RUSC2: variants seen among roughly 807,000 people sequenced by gnomAD.
The protein encoded by RUSC2 is AP-4 complex accessory subunit RUSC2.
RUSC2 carries 34 observed loss-of-function variants against 122.2 expected under a neutral mutation model. The observed-to-expected ratio is 0.28, with a 90% CI of 0.21 to 0.37. The LOEUF is 0.37. Ranked by LOEUF, RUSC2 falls within the 10% of genes least tolerant of loss-of-function variation. The pLI, the probability that RUSC2 is intolerant of heterozygous loss-of-function variation, is 1.00. For missense variants in RUSC2, 1,747 were observed against 1,952.4 expected (o/e 0.89, Z 1.98); for synonymous variants, 784 against 790.0 (o/e 0.99, Z 0.13).
intron 1 of RUSC2, among the ~76,000 whole-genome samples, chr9:35,497,924 G>A (rs994024252): frequency 5.9e-5 from 9 of 152,096 alleles, no homozygotes; most frequent in African/African-American, 2.2e-4. Flanking sequence ...ACTGCCATAG[G>A]AAAATTATAC....
intron 5 of RUSC2, 56 bp downstream of exon 5, chr9:35,556,504 T>C: frequency 1.9e-6 from 3 of 1,587,344 alleles, no homozygotes; most frequent in Non-Finnish European, 2.6e-6. Flanking sequence ...CTCCTCACAC[T>C]TGCCCTACTA....
chr9:35,550,554 A>AT (rs1201257860), intron 2 of RUSC2, among the ~76,000 whole-genome samples: 4 of 150,758 alleles, frequency 2.7e-5, no homozygotes, highest in Non-Finnish European at 5.9e-5. Context: ...TGAACCCAGG[A>AT]GACAGAGGTT....
In RUSC2 at chr9:35,493,437, G is replaced by A. The variant is rs377486438; in HGVS notation, c.-93+3265G>A. 4.0e-4 allele frequency among the ~76,000 whole-genome samples: 61 copies of A among 152,250 alleles called. 3 individuals are homozygous for A. The South Asian group carries it at 0.012, about 31-fold the overall frequency. On this transcript the variant is annotated intron_variant, in intron 1 of 11. Coordinates refer to ENST00000361226, the MANE Select transcript of RUSC2 (RefSeq NM_014806.5). ...CTTTGCTATTGTAAATAGTGCTGCA[G>A]TTGGTTAGCATAATGTCTAAAGTTC... is the stretch of plus-strand genomic sequence containing the variant.
chr9:35,561,068 C>T lies in RUSC2; in HGVS notation c.4320C>T (p.His1440=). 2.5e-6 allele frequency: 4 copies of T among 1,614,142 alleles called. No individual in the cohort carries two copies. The highest frequency in any genetic ancestry group is 3.4e-6 in the Non-Finnish European group (4 of 1,179,988). Residue 1440 remains histidine (H), a synonymous_variant, in exon 11 of 12, where the codon CAC becomes CAT. Transcript: ENST00000361226. ...PEPKESLQEP[H]SPALPSSPPC... ...CCAAGGAGAGCCTGCAGGAGCCACA[C>T]TCCCCAGCCCTGCCCTCCAGTCCTC... is the stretch of plus-strand genomic sequence containing the variant.
In RUSC2 at chr9:35,557,910, G is replaced by T. The variant is rs1822056082; in HGVS notation, c.2984-4G>T. 6.2e-7 allele frequency: 1 copy of T among 1,613,942 alleles called. No individual in the cohort carries two copies. The highest frequency in any genetic ancestry group is 8.5e-7 in the Non-Finnish European group (1 of 1,179,908). ...GACCTGTCACATCACATTCTTCCCT[G>T]CAGGGCTGGTAAAAGCTGTTAACAT... On this transcript the variant is annotated splice_polypyrimidine_tract_variant and splice_region_variant and intron_variant, in intron 5 of 11. Coordinates refer to ENST00000361226, the MANE Select transcript of RUSC2 (RefSeq NM_014806.5). The surrounding 1 kb of genome is among the most constrained non-coding windows in gnomAD (Gnocchi z 4.6).
At chr9:35,503,029 G>A (rs1200654807) in intron 1 of RUSC2, among the ~76,000 whole-genome samples, 2 of 151,788 alleles carry the variant, frequency 1.3e-5, no homozygotes, top group African/African-American at 4.8e-5. Flanking sequence ...GCCAACTAAT[G>A]TTTTGTATTT....
At chr9:35,513,190 T>TTTGTTGTTGTTG (rs147038968) in intron 1 of RUSC2, among the ~76,000 whole-genome samples, 109 of 149,772 alleles carry the variant, frequency 7.3e-4, no homozygotes, top group Non-Finnish European at 1.2e-3. Context: ...TATACTTTGT[T>TTTGTTGTTGTTG]TTGTTGTTGT....
rs1418468977 is a variant in RUSC2 at position 35,555,483 on chromosome 9, G to A, written c.2438G>A (p.Ser813Asn). 1 of 1,614,204 alleles carries A rather than the reference G, an allele frequency of 6.2e-7. No individual in the cohort carries two copies. Among genetic ancestry groups the A allele is most frequent in the Non-Finnish European group, 8.5e-7 (1 of 1,180,040 alleles). The change falls in exon 3 of 12, where the codon AGC becomes AAC. Residue 813 changes from serine (S) to asparagine (N), a missense_variant. Ser to Asn is a conservative substitution (Grantham distance 46). Transcript: ENST00000361226. This position sits in a 1 kb window ranked among gnomAD's most constrained non-coding sequence, Gnocchi z 4.6. ...PPPEQPTATE[S>N]LPPWSHSCPS... Reference sequence around the variant, plus strand: ...CCAGAGCAGCCCACAGCCACAGAAAGCCTGCCCCCATGGAGCCACTCCTGT... The same window carrying A: ...CCAGAGCAGCCCACAGCCACAGAAAACCTGCCCCCATGGAGCCACTCCTGT...
chr9:35,531,168 G>C (rs1358758339), intron 1 of RUSC2, among the ~76,000 whole-genome samples: 2 of 152,254 alleles, frequency 1.3e-5, no homozygotes, highest in Non-Finnish European at 2.9e-5. Flanking sequence ...GGCTGAGGCA[G>C]GAGAATGGCA....
At chr9:35,519,026 C>T (rs1821162035) in intron 1 of RUSC2, among the ~76,000 whole-genome samples, 1 of 152,218 alleles carries the variant, frequency 6.6e-6, no homozygotes, top group South Asian at 2.1e-4. Flanking sequence ...ACTTGAGGTC[C>T]ATCTGGTCCC....
At chr9:35,545,785 A>G (rs910682986) in intron 1 of RUSC2, among the ~76,000 whole-genome samples, 5 of 152,222 alleles carry the variant, frequency 3.3e-5, no homozygotes, top group African/African-American at 1.2e-4. Flanking sequence ...CAGTGTCTGC[A>G]TTCAAGAAGT....
chr9:35,540,492 A>G (rs1220318341), intron 1 of RUSC2, among the ~76,000 whole-genome samples: 1 of 152,208 alleles, frequency 6.6e-6, no homozygotes, highest in Non-Finnish European at 1.5e-5. Context: ...TATGCTGGAT[A>G]GTTATGGGAG....
At chr9:35,495,046 T>TA (rs1820659453) in intron 1 of RUSC2, among the ~76,000 whole-genome samples, 2 of 58,426 alleles carry the variant, frequency 3.4e-5, no homozygotes, top group Non-Finnish European at 7.5e-5. Flanking sequence ...TACTATAGTA[T>TA]ATATAATATA....
intron 1 of RUSC2, among the ~76,000 whole-genome samples, chr9:35,504,588 C>T (rs147445536): frequency 1.3e-5 from 2 of 151,924 alleles, no homozygotes; most frequent in African/African-American, 4.8e-5. Context: ...GCCTCAGCCT[C>T]CCAAGTAGCT....
At chr9:35,517,606 G>C (rs902167887) in intron 1 of RUSC2, among the ~76,000 whole-genome samples, 1 of 152,198 alleles carries the variant, frequency 6.6e-6, no homozygotes, top group Non-Finnish European at 1.5e-5. Flanking sequence ...TTATAAGTTA[G>C]TGGAAATTAA....
intron 1 of RUSC2, among the ~76,000 whole-genome samples, chr9:35,529,452 A>AT (rs1172487301): frequency 6.7e-6 from 1 of 150,172 alleles, no homozygotes; most frequent in South Asian, 2.1e-4. Flanking sequence ...GGAAATCTAG[A>AT]TTTTTTTCTA....
intron 1 of RUSC2, among the ~76,000 whole-genome samples, chr9:35,545,538 A>C (rs1204262591): frequency 1.3e-5 from 2 of 152,198 alleles, no homozygotes; most frequent in African/African-American, 4.8e-5. Flanking sequence ...TGGGAAGAGA[A>C]GACTTTCTAG....
Position 35,547,470 on chromosome 9 carries a change from C to T in RUSC2, c.949C>T (p.Pro317Ser). 6.2e-7 allele frequency: 1 copy of T among 1,614,220 alleles called. No homozygotes were observed. The highest frequency in any genetic ancestry group is 8.5e-7 in the Non-Finnish European group (1 of 1,180,048). ...SDSSFCSHSD[P>S]GAFYLDLQPS... is the part of the protein sequence containing the mutation. ...CTCTTCCTTCTGCAGCCACTCAGAC[C>T]CTGGCGCCTTCTATCTGGATCTGCA... Residue 317 changes from proline to serine, a missense_variant, in exon 2 of 12, where the codon CCT (proline) becomes TCT (serine). Transcript: ENST00000361226. The surrounding 1 kb of genome is among the most constrained non-coding windows in gnomAD (Gnocchi z 4.6).
chr9:35,505,044 A>G lies in RUSC2; in HGVS notation c.-93+14872A>G, dbSNP rs528316611. 5.3e-5 allele frequency among the ~76,000 whole-genome samples: 8 copies of G among 152,238 alleles called. No individual in the cohort carries two copies. In the East Asian group the frequency reaches 1.5e-3, roughly 29 times the overall value. ...CTGTACACTTAAACAGTTGTTATGA[A>G]GTTAGATCTTATGTGTTTTCACCAC... On this transcript the variant is annotated intron_variant, in intron 1 of 11. Transcript: ENST00000361226.
Sources: gnomAD v4.1 joint callset for allele counts (sites outside exome capture counted in the v4.1 genomes callset) on GRCh38, gnomAD v4.1.1 for gene constraint, Gnocchi (gnomAD v3.1) non-coding constraint, MANE v1.5 for transcripts, NCBI Gene and HGNC (gene_info 2026-07-23, HGNC 2026-07-21) for gene names.